Variants in KIF1A observed in about 807,000 individuals in gnomAD.
The protein encoded by KIF1A is kinesin-like protein KIF1A.
A neutral mutation model predicts 227.3 loss-of-function variants in KIF1A; 46 were observed. The ratio of observed to expected loss-of-function variants is 0.20; its 90% CI spans 0.16 to 0.26. KIF1A has a LOEUF of 0.26. Among genes scored for constraint, KIF1A ranks in the 10% least tolerant of loss-of-function variants. KIF1A has a pLI of 1.00. For missense variants in KIF1A, 1,683 were observed against 2,485.9 expected, an observed-to-expected ratio of 0.68 and a Z score of 6.87; for synonymous variants, 1,022 against 1,012.8, an observed-to-expected ratio of 1.01 and a Z score of -0.17.
intron 8 of KIF1A, among the ~76,000 whole-genome samples, chr2:240,783,470 G>A (rs1242792897): frequency 1.3e-5 from 2 of 152,198 alleles, no homozygotes; most frequent in African/African-American, 4.8e-5. Flanking sequence ...ATCTCCCCAG[G>A]GAAGACCTGG....
intron 14 of KIF1A, 141 bp from the exon 15 acceptor site, chr2:240,771,245 G>T: frequency 1.0e-6 from 1 of 991,772 alleles, no homozygotes; most frequent in Non-Finnish European, 1.5e-6. Context: ...ATGAAGATGG[G>T]AAAAAGTAAG....
intron 38 of KIF1A, among the ~76,000 whole-genome samples, chr2:240,727,405 C>T (rs1458609753): frequency 1.3e-5 from 2 of 152,110 alleles, no homozygotes; most frequent in African/African-American, 2.4e-5. Context: ...CGCGGGCCCA[C>T]CCCAGCCTCA....
intron 5 of KIF1A, 40 bp from the exon 6 acceptor site, chr2:240,786,553 A>C: frequency 1.3e-6 from 2 of 1,582,218 alleles, no homozygotes; most frequent in Non-Finnish European, 1.7e-6. Flanking sequence ...CCCTGAGGCG[A>C]GGGAGTGGGG....
In KIF1A at chr2:240,750,475, C is replaced by T. The variant is rs2049082936; in HGVS notation, c.2931G>A (p.Lys977=). The change falls in exon 28 of 49, where the codon AAG becomes AAA. Residue 977 remains lysine, a synonymous_variant. Transcript: ENST00000498729. ...CGCGGAGGAAGCCCTTCACCTCGCC[C>T]TTCTCGCTGACGATTGCCACACGGT... ...LVHRVAIVSE[K]GEVKGFLRVA... The T allele has an allele frequency of 6.2e-7, 1 of 1,613,798 alleles. No homozygotes were observed. The highest frequency in any genetic ancestry group is 8.5e-7 in the Non-Finnish European group (1 of 1,179,840).
intron 33 of KIF1A, 66 bp downstream of exon 33, chr2:240,743,876 G>A (rs2048286494): frequency 9.2e-7 from 1 of 1,085,582 alleles, no homozygotes; most frequent in South Asian, 1.3e-5. Flanking sequence ...AAGACAGCTG[G>A]ATGAAAAGAT....
At chr2:240,747,346 T>C (rs1267182366) in intron 28 of KIF1A, 25 bp from the exon 29 acceptor site, 13 of 1,599,378 alleles carry the variant, frequency 8.1e-6, no homozygotes, top group Non-Finnish European at 1.0e-5. Flanking sequence ...GAGCAAATGG[T>C]TGGAGCCCAG....
At chr2:240,782,425 G>C (rs1204137345) in intron 10 of KIF1A, among the ~76,000 whole-genome samples, 165 bp downstream of exon 10, 4 of 152,010 alleles carry the variant, frequency 2.6e-5, no homozygotes, top group Admixed American at 2.6e-4. Context: ...GGCACCGCAC[G>C]GGGCCTCCCA....
At position 240,813,368 on chromosome 2, in the gene KIF1A, G is replaced by A. The variant is rs544469737; in HGVS notation, c.-61+6754C>T. 1.0e-3 allele frequency among the ~76,000 whole-genome samples: 158 copies of A among 152,308 alleles called. 1 individual carries two copies. Among genetic ancestry groups the A allele is most frequent in the African/African-American group, 3.4e-3 (143 of 41,574 alleles). The stretch of plus-strand genomic sequence containing the variant: ...TCCTGGGACCTCAGCCCTGAGTGCC[G>A]CTTGCAGAGGGCAGGGAAGGGGCAG... On this transcript the variant is annotated intron_variant, in intron 1 of 48. Coordinates refer to ENST00000498729, the MANE Select transcript of KIF1A (RefSeq NM_001244008.2).
chr2:240,735,448 C>G (rs933715035), intron 38 of KIF1A, among the ~76,000 whole-genome samples: 2 of 152,174 alleles, frequency 1.3e-5, no homozygotes, highest in Non-Finnish European at 2.9e-5. Context: ...CTCAGAAACT[C>G]AGCCCTCTGT....
At chr2:240,744,673 A>C (rs2048379782) in intron 32 of KIF1A, among the ~76,000 whole-genome samples, 1 of 152,210 alleles carries the variant, frequency 6.6e-6, no homozygotes, top group African/African-American at 2.4e-5. Context: ...TAGAGGCCTA[A>C]GAAGGGGGCA....
chr2:240,795,679 C>T (rs1490292929), intron 2 of KIF1A, among the ~76,000 whole-genome samples: 1 of 152,174 alleles, frequency 6.6e-6, no homozygotes, highest in African/African-American at 2.4e-5. Flanking sequence ...ATGGGGAGGC[C>T]GCCTACCCAG....
At chr2:240,733,200 C>T (rs2046952832) in intron 38 of KIF1A, among the ~76,000 whole-genome samples, 1 of 152,028 alleles carries the variant, frequency 6.6e-6, no homozygotes, top group Non-Finnish European at 1.5e-5. Flanking sequence ...TGCGGCCCCA[C>T]CAATGGCACA....
rs775376758 is a variant in KIF1A at position 240,739,325 on chromosome 2, G to C, written c.3901+733C>G. On this transcript the variant is annotated intron_variant, in intron 37 of 48. Transcript: ENST00000498729. The surrounding 1 kb of genome is among the most constrained non-coding windows in gnomAD (Gnocchi z 5.6). The stretch of plus-strand genomic sequence containing the variant: ...GACAAATTCTTTCCGCTTTAGCAAA[G>C]GAAACATTTGGCGGACCCGAATTCG... 1.3e-5 allele frequency among the ~76,000 whole-genome samples: 2 copies of C among 152,230 alleles called. No homozygotes were observed. The highest frequency in any genetic ancestry group is 2.9e-5 in the Non-Finnish European group (2 of 68,046).
Position 240,778,043 on chromosome 2 carries a change from A to T in KIF1A, c.883-2117T>A, listed in dbSNP as rs1183943237. On this transcript the variant is annotated intron_variant, in intron 10 of 48. Coordinates refer to ENST00000498729, the MANE Select transcript of KIF1A (RefSeq NM_001244008.2). The surrounding 1 kb of genome is among the most constrained non-coding windows in gnomAD (Gnocchi z 7.2). Reference sequence around the variant, plus strand: ...CCCACGCGGCTGCTCGCAGCTCACCACACAGTTCCTCAGCTCCTCCCGCTC... The same window carrying T: ...CCCACGCGGCTGCTCGCAGCTCACCTCACAGTTCCTCAGCTCCTCCCGCTC... Among the ~76,000 whole-genome samples, 6 of 151,714 alleles carry T rather than the reference A, an allele frequency of 4.0e-5. No individual in the cohort carries two copies. Among genetic ancestry groups the T allele is most frequent in the Non-Finnish European group, 4.4e-5 (3 of 67,916 alleles).
In KIF1A at chr2:240,782,211, G is replaced by A; in HGVS notation, c.882+379C>T. 4.1e-6 allele frequency: 4 copies of A among 985,216 alleles called. 1 individual carries two copies. Among genetic ancestry groups the A allele is most frequent in the Middle Eastern group, 1.0e-3 (2 of 1,914 alleles). The allele number at this position is 985,216 out of a possible 1,614,324, so 61.0% of individuals were successfully genotyped here. A position where few individuals can be genotyped will look rare whatever the true frequency, so the allele number is the denominator to read the frequency against. On this transcript the variant is annotated intron_variant, in intron 10 of 48. Transcript: ENST00000498729. ...GCCCCGTCACGCCTACGGCTGCTCA[G>A]AGTCCAGCACGCCTGTCACCCGCTT... is the stretch of plus-strand genomic sequence containing the variant.
chr2:240,821,135 C>T (rs2106405061), upstream of KIF1A, among the ~76,000 whole-genome samples: 1 of 152,342 alleles, frequency 6.6e-6, no homozygotes, highest in Non-Finnish European at 1.5e-5. Flanking sequence ...CCTCCCCGCA[C>T]TGCGGTGCGG....
Position 240,714,612 on chromosome 2 carries a change from C to T in KIF1A, c.*2752G>A, listed in dbSNP as rs900648315. 1 of 152,358 alleles carries T rather than the reference C, an allele frequency of 6.6e-6. No homozygotes were observed. The highest frequency in any genetic ancestry group is 1.5e-5 in the Non-Finnish European group (1 of 68,096). The allele number at this position is 152,358 out of a possible 1,614,324, so 9.4% of individuals were successfully genotyped here. A position where few individuals can be genotyped will look rare whatever the true frequency, so the allele number is the denominator to read the frequency against. ...GCACCGCACCCCATGAGCACCTCCA[C>T]ACCAGCCCTCCACCTCACAGATGTG... On this transcript the variant is annotated 3_prime_UTR_variant, in exon 49 of 49. Coordinates refer to ENST00000498729, the MANE Select transcript of KIF1A (RefSeq NM_001244008.2).
At chr2:240,761,724 G>A (rs927195938) in intron 23 of KIF1A, among the ~76,000 whole-genome samples, 1 of 152,188 alleles carries the variant, frequency 6.6e-6, no homozygotes, top group Non-Finnish European at 1.5e-5. Flanking sequence ...CTGTCACAGT[G>A]AGCAACATGA....
At chr2:240,728,864 C>T (rs1275806680) in intron 38 of KIF1A, among the ~76,000 whole-genome samples, 1 of 152,224 alleles carries the variant, frequency 6.6e-6, no homozygotes, top group Non-Finnish European at 1.5e-5. Flanking sequence ...TCACCAACAG[C>T]TCTGTGCCCC....
Sources: gnomAD v4.1 joint callset for allele counts (sites outside exome capture counted in the v4.1 genomes callset) on GRCh38, gnomAD v4.1.1 for gene constraint, Gnocchi (gnomAD v3.1) non-coding constraint, MANE v1.5 for transcripts, NCBI Gene and HGNC (gene_info 2026-07-23, HGNC 2026-07-21) for gene names.